RBFOX1: variants seen among roughly 807,000 people sequenced by gnomAD.
RBFOX1 encodes RNA binding fox-1 homolog 1.
RBFOX1 carries 8 observed loss-of-function variants against 57.7 expected under a neutral mutation model. The observed-to-expected ratio is 0.14, with a 90% CI of 0.08 to 0.25. The LOEUF (loss-of-function observed/expected upper bound fraction) is 0.25. RBFOX1 is among the 10% of genes least tolerant of loss of function. RBFOX1 has a pLI of 1.00. For missense variants in RBFOX1, 611 were observed against 548.5 expected (o/e 1.11, Z -1.14); for synonymous variants, 326 against 222.4 (o/e 1.47, Z -4.15).
intron 2 of RBFOX1, among the ~76,000 whole-genome samples, chr16:6,333,878 T>C (rs947296707): frequency 3.9e-5 from 6 of 152,192 alleles, no homozygotes; most frequent in Admixed American, 3.3e-4. Context: ...GTCTCATTAG[T>C]TGAAGAAATC....
intron 1 of RBFOX1, among the ~76,000 whole-genome samples, chr16:6,091,068 C>G (rs753717728): frequency 6.6e-6 from 1 of 152,168 alleles, no homozygotes. Context: ...CTTTTCAAAT[C>G]TTCTTTTCTA....
intron 2 of RBFOX1, among the ~76,000 whole-genome samples, chr16:6,410,625 C>T (rs993156127): frequency 1.3e-5 from 2 of 152,028 alleles, no homozygotes; most frequent in Non-Finnish European, 2.9e-5. Context: ...TGAGGCCCTG[C>T]GCTAGGAGGA....
intron 3 of RBFOX1, among the ~76,000 whole-genome samples, chr16:5,814,130 C>G (rs12929047): frequency 0.61 from 93,343 of 151,940 alleles, 29,557 homozygotes; most frequent in South Asian, 0.71. Flanking sequence ...GGTACCTTCC[C>G]CTCTCCAAAA....
intron 2 of RBFOX1, among the ~76,000 whole-genome samples, chr16:6,527,107 ATTAT>A (rs986472140): frequency 2.0e-5 from 3 of 152,134 alleles, no homozygotes; most frequent in Non-Finnish European, 2.9e-5. Context: ...TTCTTTTTAA[ATTAT>A]TTTATTTATT....
chr16:6,381,362 A>G (rs556612182), intron 2 of RBFOX1, among the ~76,000 whole-genome samples: 4 of 152,150 alleles, frequency 2.6e-5, no homozygotes, highest in East Asian at 1.9e-4. Flanking sequence ...TCCAGTGTCT[A>G]TTATTCCACC....
intron 12 of RBFOX1, among the ~76,000 whole-genome samples, chr16:7,660,648 G>A (rs1273240709): frequency 6.6e-6 from 1 of 152,202 alleles, no homozygotes; most frequent in Non-Finnish European, 1.5e-5. Context: ...CTTGGAGGAT[G>A]GTGTTGCATA....
intron 3 of RBFOX1, among the ~76,000 whole-genome samples, chr16:5,685,633 C>T (rs115140415): frequency 1.3e-5 from 2 of 152,152 alleles, no homozygotes; most frequent in African/African-American, 4.8e-5. Context: ...TAATCCATTT[C>T]TTTTTTGTGT....
At chr16:7,266,999 C>G (rs1383871522) in intron 4 of RBFOX1, among the ~76,000 whole-genome samples, 1 of 151,950 alleles carries the variant, frequency 6.6e-6, no homozygotes, top group Non-Finnish European at 1.5e-5. Flanking sequence ...CTCCCCAAAA[C>G]AAAAACAAGG....
At chr16:7,252,962 G>C (rs1020122465) in intron 4 of RBFOX1, among the ~76,000 whole-genome samples, 6 of 152,126 alleles carry the variant, frequency 3.9e-5, no homozygotes, top group Non-Finnish European at 8.8e-5. Flanking sequence ...TTGTAAATAA[G>C]CATGCACATA....
intron 1 of RBFOX1, 149 bp from the exon 2 acceptor site, chr16:6,316,846 C>T: frequency 1.7e-6 from 1 of 586,282 alleles, no homozygotes; most frequent in Middle Eastern, 2.8e-4. Flanking sequence ...TCATTTTCAT[C>T]ATCATCATCA....
chr16:5,245,327 T>C (rs1466075739), intron 1 of RBFOX1, among the ~76,000 whole-genome samples: 4 of 152,124 alleles, frequency 2.6e-5, no homozygotes, highest in Admixed American at 2.0e-4. Context: ...TTTGGACTCA[T>C]TGGCTGAGGT....
intron 2 of RBFOX1, among the ~76,000 whole-genome samples, chr16:6,564,421 C>G (rs376198162): frequency 1.3e-5 from 2 of 152,110 alleles, no homozygotes; most frequent in African/African-American, 4.8e-5. Flanking sequence ...GATCGTGCCA[C>G]TACACTCCAG....
chr16:6,134,131 T>C (rs1347221046), intron 1 of RBFOX1, among the ~76,000 whole-genome samples: 1 of 152,022 alleles, frequency 6.6e-6, no homozygotes, highest in Non-Finnish European at 1.5e-5. Flanking sequence ...GAGACAGGGT[T>C]TCACCATGTT....
intron 3 of RBFOX1, among the ~76,000 whole-genome samples, chr16:5,765,558 G>A (rs1478329263): frequency 6.6e-6 from 1 of 152,216 alleles, no homozygotes; most frequent in African/African-American, 2.4e-5. Flanking sequence ...CAGACACACA[G>A]AGAGTGCTTA....
At chr16:7,163,893 C>G (rs2078904483) in intron 4 of RBFOX1, among the ~76,000 whole-genome samples, 1 of 152,168 alleles carries the variant, frequency 6.6e-6, no homozygotes, top group South Asian at 2.1e-4. Flanking sequence ...CTCCTGACCT[C>G]AAATGATCCA....
intron 4 of RBFOX1, among the ~76,000 whole-genome samples, chr16:7,166,878 C>G (rs1424938336): frequency 2.0e-5 from 3 of 150,238 alleles, no homozygotes; most frequent in Admixed American, 1.3e-4. Context: ...GGGGACTGCA[C>G]AGACACAGCC....
At chr16:6,989,658 A>T (rs1203655338) in intron 3 of RBFOX1, among the ~76,000 whole-genome samples, 1 of 152,188 alleles carries the variant, frequency 6.6e-6, no homozygotes, top group Non-Finnish European at 1.5e-5. Context: ...AAACAAAGGA[A>T]CAGAAGCTAC....
chr16:5,827,739 C>T lies in RBFOX1; in HGVS notation c.319-39564C>T, dbSNP rs1052478442. ...ATTCTAAGTCCCCTTGCTATAATGGCCATCTTCCTCTGGATGCACGCCACT... is the reference window on the plus strand; with the variant it reads ...ATTCTAAGTCCCCTTGCTATAATGGTCATCTTCCTCTGGATGCACGCCACT... On this transcript the variant is annotated intron_variant, in intron 3 of 19. Transcript: ENST00000641259. Among the ~76,000 whole-genome samples, 4 of 152,248 alleles carry T rather than the reference C, an allele frequency of 2.6e-5. No homozygotes were observed. The East Asian group carries it at 7.7e-4, about 29-fold the overall frequency.
At chr16:5,305,305 T>C (rs2151206608) in intron 1 of RBFOX1, among the ~76,000 whole-genome samples, 1 of 152,250 alleles carries the variant, frequency 6.6e-6, no homozygotes, top group East Asian at 1.9e-4. Context: ...ACACAGGCTT[T>C]TATTGTGATC....
Sources: gnomAD v4.1 joint callset for allele counts (sites outside exome capture counted in the v4.1 genomes callset) on GRCh38, gnomAD v4.1.1 for gene constraint, MANE v1.5 for transcripts, NCBI Gene and HGNC (gene_info 2026-07-23, HGNC 2026-07-21) for gene names.